Variants in TGFBR3 observed in about 807,000 individuals in gnomAD.
The protein encoded by TGFBR3 is transforming growth factor beta receptor 3.
Under a neutral mutation model 87.9 loss-of-function variants are expected in TGFBR3, and 46 were observed. The ratio of observed to expected loss-of-function variants is 0.52; its 90% CI spans 0.41 to 0.67. TGFBR3 has a LOEUF of 0.67. Among genes scored for constraint, TGFBR3 ranks in the 30% least tolerant of loss-of-function variants. The pLI is 0.00. For synonymous variants in TGFBR3, 381 were observed against 391.6 expected (o/e 0.97, Z 0.32); for missense variants, 866 against 1,041.9 (o/e 0.83, Z 2.32).
At chr1:91,742,988 G>GA (rs1168455407) in intron 4 of TGFBR3, among the ~76,000 whole-genome samples, 1 of 152,114 alleles carries the variant, frequency 6.6e-6, no homozygotes, top group African/African-American at 2.4e-5. Context: ...AAAACTACAT[G>GA]AAAAAAGCCA....
At chr1:91,904,731 A>G (rs1255885028) in intron 1 of TGFBR3, among the ~76,000 whole-genome samples, 1 of 151,720 alleles carries the variant, frequency 6.6e-6, no homozygotes, top group Non-Finnish European at 1.5e-5. Flanking sequence ...TGCCTGGCTA[A>G]TATTTGTACT....
At chr1:91,874,356 G>A (rs1023012437) in intron 1 of TGFBR3, among the ~76,000 whole-genome samples, 5 of 152,164 alleles carry the variant, frequency 3.3e-5, no homozygotes, top group African/African-American at 9.7e-5. Context: ...AGTCAGGTGC[G>A]GCAGCTGGAG....
chr1:91,758,920 C>T (rs1673849457), intron 3 of TGFBR3, among the ~76,000 whole-genome samples, 170 bp from the exon 4 acceptor site: 1 of 152,146 alleles, frequency 6.6e-6, no homozygotes, highest in Admixed American at 6.5e-5. Flanking sequence ...ATGATATTGC[C>T]AATATTTGAC....
At chr1:91,747,955 A>G (rs781530809) in intron 4 of TGFBR3, among the ~76,000 whole-genome samples, 7 of 152,150 alleles carry the variant, frequency 4.6e-5, no homozygotes, top group Non-Finnish European at 1.0e-4. Context: ...CTCTTCATAT[A>G]TATATCCCCG....
At chr1:91,698,735 C>G (rs1671514144) in intron 14 of TGFBR3, among the ~76,000 whole-genome samples, 1 of 152,104 alleles carries the variant, frequency 6.6e-6, no homozygotes, top group Non-Finnish European at 1.5e-5. Context: ...CTCATGGGCT[C>G]AAGCAATCCA....
At chr1:91,768,538 T>C (rs1674262784) in intron 3 of TGFBR3, among the ~76,000 whole-genome samples, 1 of 152,190 alleles carries the variant, frequency 6.6e-6, no homozygotes, top group African/African-American at 2.4e-5. Flanking sequence ...GGGAGGTGAC[T>C]GCATTATAGG....
intron 2 of TGFBR3, among the ~76,000 whole-genome samples, chr1:91,895,795 G>C (rs1218870613): frequency 1.3e-5 from 2 of 152,120 alleles, no homozygotes; most frequent in Non-Finnish European, 2.9e-5. Context: ...CTCAACTCTT[G>C]ATTCTTGCAC....
chr1:91,690,766 A>G (rs1193804610), intron 16 of TGFBR3, among the ~76,000 whole-genome samples: 1 of 152,092 alleles, frequency 6.6e-6, no homozygotes, highest in Admixed American at 6.6e-5. Context: ...GCAAAAAAAC[A>G]TATTTTATGG....
chr1:91,903,785 GT>G (rs907062035), intron 1 of TGFBR3, among the ~76,000 whole-genome samples: 9 of 152,242 alleles, frequency 5.9e-5, no homozygotes, highest in South Asian at 4.1e-4. Flanking sequence ...TTCAAAATAT[GT>G]TGAAAAAATG....
chr1:91,809,577 G>C (rs900237682), intron 2 of TGFBR3, among the ~76,000 whole-genome samples: 1 of 152,180 alleles, frequency 6.6e-6, no homozygotes, highest in African/African-American at 2.4e-5. Flanking sequence ...TTTTGGTTTG[G>C]CTGTGCAAAA....
intron 16 of TGFBR3, among the ~76,000 whole-genome samples, chr1:91,687,535 G>C (rs1671129452): frequency 6.6e-6 from 1 of 152,180 alleles, no homozygotes; most frequent in African/African-American, 2.4e-5. Context: ...CAAGAAAGAT[G>C]TGAATAGCAT....
At chr1:91,884,565 T>C (rs1292543660) in intron 1 of TGFBR3, among the ~76,000 whole-genome samples, 2 of 152,216 alleles carry the variant, frequency 1.3e-5, no homozygotes, top group Non-Finnish European at 2.9e-5. Context: ...CGGCCTGCAC[T>C]TGCCGCTCTC....
At chr1:91,749,532 G>A (rs12123436) in intron 4 of TGFBR3, among the ~76,000 whole-genome samples, 51,435 of 152,024 alleles carry the variant, frequency 0.34, 9,732 homozygotes, top group East Asian at 0.45. Context: ...CCTCCCCTGC[G>A]AAATCAGAAG....
intron 1 of TGFBR3, among the ~76,000 whole-genome samples, chr1:91,869,839 T>C (rs889919705): frequency 3.9e-5 from 6 of 152,200 alleles, no homozygotes; most frequent in Non-Finnish European, 8.8e-5. Context: ...TCATTTCTAA[T>C]ATGAAGAAAT....
intron 2 of TGFBR3, among the ~76,000 whole-genome samples, chr1:91,818,450 C>T (rs1676327308): frequency 6.6e-6 from 1 of 152,036 alleles, no homozygotes; most frequent in African/African-American, 2.4e-5. Flanking sequence ...TCAGGATTCC[C>T]CGTGGACCTT....
chr1:91,882,060 T>TAAATAAATA (rs1553176394), intron 1 of TGFBR3, among the ~76,000 whole-genome samples: 1 of 134,556 alleles, frequency 7.4e-6, no homozygotes, highest in Admixed American at 7.3e-5. Context: ...AATAAATAAA[T>TAAATAAATA]AATAAAAAAA....
At chr1:91,760,796 A>G (rs1238749362) in intron 3 of TGFBR3, among the ~76,000 whole-genome samples, 1 of 152,204 alleles carries the variant, frequency 6.6e-6, no homozygotes, top group Non-Finnish European at 1.5e-5. Context: ...TGCTGTCCGC[A>G]TCTAGAAATA....
chr1:91,861,381 C>G (rs1557749871), intron 2 of TGFBR3, 90 bp downstream of exon 2: 1 of 1,008,446 alleles, frequency 9.9e-7, no homozygotes, highest in African/African-American at 1.6e-5. Flanking sequence ...GCCTGGGTAA[C>G]AGAGTGAAAC....
Position 91,720,230 on chromosome 1 carries a change from G to C in TGFBR3, c.1076C>G (p.Ala359Gly). 1 of 1,583,056 alleles carries C rather than the reference G, an allele frequency of 6.3e-7. No individual in the cohort carries two copies. ...GACTTCCTCATCTCCCATCTCCTCT[G>C]CTGGTGAAAGAAGAAGGCAAAACAT... ...NRFHLRLENN[A>G]EEMGDEEVHT... Residue 359 changes from alanine to glycine, a missense_variant and splice_region_variant, in exon 9 of 17, where the codon GCA becomes GGA. Transcript: ENST00000212355.
Sources: allele counts gnomAD v4.1 joint callset (sites outside exome capture counted in the v4.1 genomes callset), GRCh38; gene constraint gnomAD v4.1.1; transcripts MANE v1.5; gene names NCBI Gene and HGNC (gene_info 2026-07-23, HGNC 2026-07-21).